The following IMMT variants were observed in gnomAD, a reference collection of about 807,000 sequenced individuals.
IMMT encodes the protein MICOS complex subunit MIC60.
A neutral mutation model predicts 92.7 loss-of-function variants in IMMT; 40 were observed. The observed-to-expected ratio is 0.43, with a 90% CI of 0.34 to 0.56. The LOEUF is 0.56. IMMT is among the 20% of genes least tolerant of loss of function. IMMT has a pLI of 0.03. For synonymous variants in IMMT, 322 were observed against 336.1 expected (o/e 0.96, Z 0.46); for missense variants, 831 against 912.1 (o/e 0.91, Z 1.14).
intron 12 of IMMT, among the ~76,000 whole-genome samples, chr2:86,148,407 G>C (rs1000886812): frequency 6.6e-6 from 1 of 152,016 alleles, no homozygotes. Context: ...AGGAGATTGA[G>C]ACTATCCTGA....
intron 1 of IMMT, among the ~76,000 whole-genome samples, chr2:86,193,361 T>C (rs945289915): frequency 6.7e-6 from 1 of 149,956 alleles, no homozygotes; most frequent in Non-Finnish European, 1.5e-5. Context: ...GAGCCATGAC[T>C]GTGCCACTGC....
At chr2:86,163,116 G>T (rs1266178581) in intron 7 of IMMT, among the ~76,000 whole-genome samples, 1 of 152,034 alleles carries the variant, frequency 6.6e-6, no homozygotes, top group East Asian at 1.9e-4. Flanking sequence ...AAGCCCAGTT[G>T]TTTGAGACCA....
chr2:86,178,317 C>CAAAAAAAAAAAAAAAAAAAAAAAAAAAAA (rs58264892), intron 3 of IMMT, among the ~76,000 whole-genome samples: 1 of 89,742 alleles, frequency 1.1e-5, no homozygotes, highest in African/African-American at 4.8e-5. Flanking sequence ...GACTCCATCT[C>CAAAAAAAAAAAAAAAAAAAAAAAAAAAAA]AAAAAAAAAA....
Position 86,144,339 on chromosome 2 carries a change from G to C in IMMT, c.2206C>G (p.Gln736Glu). The C allele has an allele frequency of 1.9e-6, 3 of 1,613,940 alleles. No individual in the cohort carries two copies. Among genetic ancestry groups the C allele is most frequent in the Non-Finnish European group, 2.5e-6 (3 of 1,179,882 alleles). ...KEARMTLETK[Q>E]IVEILTAYAS... The stretch of plus-strand genomic sequence containing the variant: ...TATGCTGTCAGGATTTCCACTATCT[G>C]TTTCGTTTCTAGGGTCATTCGGGCT... The change falls in exon 15 of 15, where the codon CAG becomes GAG. Residue 736 changes from glutamine (Q) to glutamate (E), a missense_variant. Gln to Glu is a conservative substitution (Grantham distance 29, BLOSUM62 2). Transcript: ENST00000410111.
In IMMT at chr2:86,159,541, T is replaced by G. The variant is rs1471727293; in HGVS notation, c.1027A>C (p.Lys343Gln). 1.9e-6 allele frequency: 3 copies of G among 1,597,740 alleles called. No homozygotes were observed. Among genetic ancestry groups the G allele is most frequent in the African/African-American group, 1.3e-5 (1 of 74,822 alleles). ...NMIVDLDNVV[K>Q]KVQAAQSEAK... is the part of the protein sequence containing the mutation. ...ATAAGACTTAGGAAACATACCTTTT[T>G]GACCACATTATCCAGATCAACTATC... Residue 343 changes from lysine to glutamine, a missense_variant, in exon 9 of 15, where the codon AAA becomes CAA. By Grantham distance (53) the Lys-to-Gln change is moderately conservative (BLOSUM62 1). Coordinates refer to ENST00000410111, the MANE Select transcript of IMMT (RefSeq NM_006839.3).
chr2:86,146,884 C>T (rs1010316951), intron 13 of IMMT, among the ~76,000 whole-genome samples: 8 of 152,204 alleles, frequency 5.3e-5, no homozygotes, highest in Admixed American at 6.5e-5. Flanking sequence ...CCTCAGCCTC[C>T]GGAGTGGCTG....
chr2:86,189,204 A>T (rs897651486), intron 1 of IMMT, among the ~76,000 whole-genome samples: 1 of 152,012 alleles, frequency 6.6e-6, no homozygotes, highest in Non-Finnish European at 1.5e-5. Context: ...ACGTGATATT[A>T]AAAAAAAGAG....
chr2:86,187,177 G>A (rs967943587), intron 1 of IMMT, among the ~76,000 whole-genome samples: 4 of 152,106 alleles, frequency 2.6e-5, no homozygotes, highest in Admixed American at 6.6e-5. Context: ...CACCCTAAAA[G>A]GAAATCCTAT....
At position 86,144,390 on chromosome 2, in the gene IMMT, G is replaced by A. The variant is rs1369239267; in HGVS notation, c.2155C>T (p.Arg719Ter). The change falls in exon 15 of 15, where the codon CGA becomes TGA. Residue 719 changes from arginine to a stop codon, truncating the protein, a stop_gained. Coordinates refer to ENST00000410111, the MANE Select transcript of IMMT (RefSeq NM_006839.3). LOFTEE classifies it high-confidence loss of function. Reference protein sequence around the residue: ...FVNQLKGESRRVAQDWLKEAR... With the variant: ...FVNQLKGESR ...TCCTTCAGCCAGTCCTGTGCCACTC[G>A]TCTGGATTCCCCCTTCAGCTGATTG... The A allele has an allele frequency of 3.1e-6, 5 of 1,613,846 alleles. No homozygotes were observed. The highest frequency in any genetic ancestry group is 4.2e-6 in the Non-Finnish European group (5 of 1,179,904).
chr2:86,149,416 T>C (rs1675294356), intron 12 of IMMT, among the ~76,000 whole-genome samples: 3 of 152,232 alleles, frequency 2.0e-5, no homozygotes, highest in Admixed American at 6.5e-5. Flanking sequence ...TTTGGAATTA[T>C]ATTAAATGAA....
chr2:86,157,536 A>G (rs1675932829), intron 10 of IMMT, among the ~76,000 whole-genome samples: 1 of 152,170 alleles, frequency 6.6e-6, no homozygotes, highest in Non-Finnish European at 1.5e-5. Flanking sequence ...CTGTAATCCC[A>G]GCATTTTGGG....
In IMMT at chr2:86,153,687, A is replaced by G. The variant is rs374619398; in HGVS notation, c.1163-113T>C. The G allele has an allele frequency of 9.6e-5, 54 of 563,642 alleles. 1 individual carries two copies. Among genetic ancestry groups the G allele is most frequent in the East Asian group, 6.4e-4 (19 of 29,652 alleles). The allele number at this position is 563,642 out of a possible 1,614,324, so 34.9% of individuals were successfully genotyped here. A position where few individuals can be genotyped will look rare whatever the true frequency, so the allele number is the denominator to read the frequency against. On this transcript the variant is annotated intron_variant, in intron 10 of 14. Coordinates refer to ENST00000410111, the MANE Select transcript of IMMT (RefSeq NM_006839.3). ...CAAGAAGGAATCGGAGACTAGTACCAGGAAAAGCTATTTTAATACTGGAAA... is the reference window on the plus strand; with the variant it reads ...CAAGAAGGAATCGGAGACTAGTACCGGGAAAAGCTATTTTAATACTGGAAA...
chr2:86,181,432 G>T, intron 1 of IMMT, 60 bp from the exon 2 acceptor site: 1 of 1,157,510 alleles, frequency 8.6e-7, no homozygotes, highest in Non-Finnish European at 1.3e-6. Context: ...AGCTTTTAGG[G>T]TTGGTAATAC....
intron 1 of IMMT, among the ~76,000 whole-genome samples, chr2:86,189,347 G>A (rs1413489695): frequency 6.6e-6 from 1 of 151,760 alleles, no homozygotes; most frequent in African/African-American, 2.4e-5. Context: ...AGATTCTCCT[G>A]CCTCAGCCTC....
chr2:86,185,842 G>C (rs1672734420), intron 1 of IMMT, among the ~76,000 whole-genome samples: 1 of 152,184 alleles, frequency 6.6e-6, no homozygotes, highest in African/African-American at 2.4e-5. Context: ...GGAAACGGAA[G>C]AATAATTCAA....
At chr2:86,153,360 C>T (rs1182643812) in intron 11 of IMMT, among the ~76,000 whole-genome samples, 200 bp downstream of exon 11, 1 of 147,190 alleles carries the variant, frequency 6.8e-6, no homozygotes, top group African/African-American at 2.6e-5. Context: ...CTATAGGATT[C>T]CAATCACTTG....
At chr2:86,184,570 A>G (rs2105503850) in intron 1 of IMMT, among the ~76,000 whole-genome samples, 1 of 152,246 alleles carries the variant, frequency 6.6e-6, no homozygotes, top group South Asian at 2.1e-4. Flanking sequence ...CAGATAACCA[A>G]ACATATGTTT....
rs983021257 is a variant in IMMT, at chr2:86,186,781, T to C, written c.46-5409A>G. ...CAGAACTGAGTAAGGCAATAAATAC[T>C]GTTATTTTACCCCAAGCTCAAGGTG... On this transcript the variant is annotated intron_variant, in intron 1 of 14. Coordinates refer to ENST00000410111, the MANE Select transcript of IMMT (RefSeq NM_006839.3). Among the ~76,000 whole-genome samples the C allele has an allele frequency of 8.9e-4, 135 of 152,338 alleles. 1 individual carries two copies. The highest frequency in any genetic ancestry group is 3.1e-3 in the African/African-American group (129 of 41,578).
intron 1 of IMMT, among the ~76,000 whole-genome samples, chr2:86,194,450 GA>G (rs1211860554): frequency 6.6e-6 from 1 of 152,152 alleles, no homozygotes; most frequent in Middle Eastern, 3.2e-3. Flanking sequence ...AAGCGAACTT[GA>G]AAAAACAAAG....
Sources: gnomAD v4.1 joint callset for allele counts (sites outside exome capture counted in the v4.1 genomes callset) on GRCh38, gnomAD v4.1.1 for gene constraint, MANE v1.5 for transcripts, NCBI Gene and HGNC (gene_info 2026-07-23, HGNC 2026-07-21) for gene names.